ULK4: variants seen among roughly 807,000 people sequenced by gnomAD.
The protein encoded by ULK4 is unc-51 like kinase 4, also known as inactive serine/threonine-protein kinase ULK4.
A neutral mutation model predicts 160.6 loss-of-function variants in ULK4; 133 were observed. The observed-to-expected ratio is 0.83, with a 90% CI of 0.72 to 0.96. ULK4 has a LOEUF of 0.96. Among genes scored for constraint, ULK4 ranks in the 40% least tolerant of loss-of-function variants. The pLI is 0.00. For missense variants in ULK4, 1,580 were observed against 1,499.5 expected, an observed-to-expected ratio of 1.05 and a Z score of -0.89; for synonymous variants, 534 against 539.8, an observed-to-expected ratio of 0.99 and a Z score of 0.15.
chr3:41,961,254 A>C (rs1700655899), intron 1 of ULK4, among the ~76,000 whole-genome samples: 1 of 152,202 alleles, frequency 6.6e-6, no homozygotes, highest in Admixed American at 6.5e-5. Context: ...CTTTCAGCAC[A>C]ATCATGACTC....
At chr3:41,569,158 G>A (rs1365699071) in intron 31 of ULK4, among the ~76,000 whole-genome samples, 1 of 152,142 alleles carries the variant, frequency 6.6e-6, no homozygotes, top group Non-Finnish European at 1.5e-5. Context: ...TCTGAACTTC[G>A]GGGTTCTGTT....
At chr3:41,632,131 A>G (rs923170140) in intron 30 of ULK4, among the ~76,000 whole-genome samples, 1 of 152,140 alleles carries the variant, frequency 6.6e-6, no homozygotes, top group African/African-American at 2.4e-5. Context: ...GCATGCTCAC[A>G]TGTAAGAGGT....
chr3:41,918,369 T>C (rs984101197), intron 7 of ULK4, 88 bp downstream of exon 7: 3 of 797,436 alleles, frequency 3.8e-6, no homozygotes, highest in African/African-American at 3.6e-5. Flanking sequence ...TGGGGAGTTA[T>C]GAATCAATAA....
chr3:41,731,393 T>TA (rs569942751), intron 22 of ULK4, among the ~76,000 whole-genome samples: 1 of 151,766 alleles, frequency 6.6e-6, no homozygotes. Flanking sequence ...TTATAAGTTA[T>TA]AAAAAAAATT....
chr3:41,672,367 C>T (rs2035572106), intron 29 of ULK4, among the ~76,000 whole-genome samples: 1 of 151,990 alleles, frequency 6.6e-6, no homozygotes, highest in Admixed American at 6.6e-5. Context: ...ACTATTCAAC[C>T]ACAAAAAAGA....
chr3:41,457,598 C>T (rs796731488), intron 33 of ULK4, among the ~76,000 whole-genome samples: 12 of 152,310 alleles, frequency 7.9e-5, no homozygotes, highest in African/African-American at 2.9e-4. Context: ...CACTGAAGCC[C>T]CCAGAATCAA....
chr3:41,314,191 G>A (rs7621404), intron 35 of ULK4, among the ~76,000 whole-genome samples: 3,339 of 152,168 alleles, frequency 0.022, 84 homozygotes, highest in African/African-American at 0.068. Context: ...TAGACCATTG[G>A]GTTGTTTTAA....
At position 41,387,565 on chromosome 3, in the gene ULK4, T is replaced by C. The variant is rs138378342; in HGVS notation, c.3678+10514A>G. Among the ~76,000 whole-genome samples the C allele has an allele frequency of 3.7e-3, 568 of 152,296 alleles. 3 individuals carry two copies. Among genetic ancestry groups the C allele is most frequent in the African/African-American group, 0.011 (473 of 41,566 alleles). On this transcript the variant is annotated intron_variant, in intron 35 of 36. Transcript: ENST00000301831. ...CAGGCCCAGGTGTGTGATGTTCCCC[T>C]TCCTGTGTCCATGTGCTCTCATTGT... is the stretch of plus-strand genomic sequence containing the variant.
chr3:41,568,822 C>T (rs2087872821), intron 31 of ULK4, among the ~76,000 whole-genome samples: 1 of 152,088 alleles, frequency 6.6e-6, no homozygotes, highest in African/African-American at 2.4e-5. Flanking sequence ...AGTATCAGAC[C>T]CCATAGGGCG....
intron 34 of ULK4, among the ~76,000 whole-genome samples, chr3:41,410,951 C>CTAAT (rs2082397838): frequency 6.6e-6 from 1 of 152,076 alleles, no homozygotes; most frequent in Non-Finnish European, 1.5e-5. Context: ...TTCATCTTAA[C>CTAAT]TATATCTGCA....
chr3:41,774,346 A>C (rs1410535205), intron 21 of ULK4, among the ~76,000 whole-genome samples: 3 of 150,674 alleles, frequency 2.0e-5, no homozygotes, highest in African/African-American at 7.5e-5. Context: ...TAATATCCAG[A>C]ATCTACAATG....
chr3:41,960,044 ATT>A (rs11359429), intron 1 of ULK4, among the ~76,000 whole-genome samples: 179 of 148,338 alleles, frequency 1.2e-3, no homozygotes, highest in Admixed American at 1.1e-3. Flanking sequence ...TAAAATCTTG[ATT>A]TTTTTTTTTT....
chr3:41,556,877 C>A (rs76100842), intron 32 of ULK4, among the ~76,000 whole-genome samples: 9,290 of 152,030 alleles, frequency 0.061, 841 homozygotes, highest in African/African-American at 0.2. Flanking sequence ...AGCAATATAG[C>A]ATTAATATTA....
At chr3:41,823,384 A>T (rs746118233) in intron 18 of ULK4, among the ~76,000 whole-genome samples, 1 of 152,222 alleles carries the variant, frequency 6.6e-6, no homozygotes, top group Non-Finnish European at 1.5e-5. Context: ...AGGGCCCAGA[A>T]GGTAATTACA....
chr3:41,837,765 T>C (rs1282868260), intron 17 of ULK4, among the ~76,000 whole-genome samples: 1 of 152,172 alleles, frequency 6.6e-6, no homozygotes, highest in Non-Finnish European at 1.5e-5. Flanking sequence ...TTCGCCATGT[T>C]GGCCCGGGTA....
chr3:41,763,713 A>G (rs934377222), intron 21 of ULK4, among the ~76,000 whole-genome samples: 3 of 152,198 alleles, frequency 2.0e-5, no homozygotes, highest in African/African-American at 7.2e-5. Context: ...TTTTGGGTAT[A>G]CACCTGCCAG....
At chr3:41,401,649 G>C (rs565395462) in intron 34 of ULK4, among the ~76,000 whole-genome samples, 3 of 152,156 alleles carry the variant, frequency 2.0e-5, no homozygotes, top group African/African-American at 7.2e-5. Context: ...AGTCTTCTGC[G>C]TAGGTTCCTC....
At chr3:41,598,787 T>C (rs940479787) in intron 31 of ULK4, among the ~76,000 whole-genome samples, 2 of 152,168 alleles carry the variant, frequency 1.3e-5, no homozygotes, top group African/African-American at 4.8e-5. Flanking sequence ...AAAAGAATAG[T>C]AAGTGGTATT....
intron 32 of ULK4, among the ~76,000 whole-genome samples, chr3:41,522,008 A>T (rs1413627545): frequency 6.6e-6 from 1 of 152,150 alleles, no homozygotes; most frequent in East Asian, 1.9e-4. Context: ...AGGATGCACA[A>T]TTCATTGTAT....
Sources: gnomAD v4.1 joint callset for allele counts (sites outside exome capture counted in the v4.1 genomes callset) on GRCh38, gnomAD v4.1.1 for gene constraint, MANE v1.5 for transcripts, NCBI Gene and HGNC (gene_info 2026-07-23, HGNC 2026-07-21) for gene names.